ABCA3: variants seen among roughly 807,000 people sequenced by gnomAD.
ABCA3 encodes the protein phospholipid-transporting ATPase ABCA3.
ABCA3 carries 88 observed loss-of-function variants against 172.8 expected under a neutral mutation model. That is an observed-to-expected ratio of 0.51 (90% CI 0.43 to 0.61). The LOEUF (loss-of-function observed/expected upper bound fraction) is 0.61. Ranked by LOEUF, ABCA3 falls within the 20% of genes least tolerant of loss-of-function variation. The pLI is 0.00. For missense variants in ABCA3, 2,164 were observed against 2,301.0 expected, an observed-to-expected ratio of 0.94 and a Z score of 1.22; for synonymous variants, 1,066 against 983.8, an observed-to-expected ratio of 1.08 and a Z score of -1.56.
At chr16:2,335,143 T>A (rs1220930535) in intron 1 of ABCA3, among the ~76,000 whole-genome samples, 2 of 151,930 alleles carry the variant, frequency 1.3e-5, no homozygotes, top group Non-Finnish European at 2.9e-5. Flanking sequence ...ATATTATTAA[T>A]ATATAAAAAA....
At chr16:2,322,897 T>C (rs1369370609) in intron 7 of ABCA3, among the ~76,000 whole-genome samples, 5 of 152,082 alleles carry the variant, frequency 3.3e-5, no homozygotes, top group Non-Finnish European at 7.3e-5. Context: ...ATTTTTGCAA[T>C]CTACTCATCT....
Position 2,281,629 on chromosome 16 carries a change from C to T in ABCA3, c.4036-120G>A, listed in dbSNP as rs2093655420. 5 of 1,287,738 alleles carry T rather than the reference C, an allele frequency of 3.9e-6. No individual in the cohort carries two copies. The highest frequency in any genetic ancestry group is 1.9e-5 in the Admixed American group (1 of 53,652). 79.8% of individuals were successfully genotyped at this position (1,287,738 alleles called of 1,614,324 possible). A position where few individuals can be genotyped will look rare whatever the true frequency, so the allele number is the denominator to read the frequency against. On this transcript the variant is annotated intron_variant, in intron 26 of 32. Coordinates refer to ENST00000301732, the MANE Select transcript of ABCA3 (RefSeq NM_001089.3). This position sits in a 1 kb window ranked among gnomAD's most constrained non-coding sequence, Gnocchi z 4.7. ...TGGGACTAAGGCCTTCAAGGCTTCT[C>T]GTCCCAATCTCAGGCCCCACAGGTG...
intron 3 of ABCA3, among the ~76,000 whole-genome samples, chr16:2,326,881 G>C (rs549518502): frequency 6.6e-6 from 1 of 152,072 alleles, no homozygotes; most frequent in Non-Finnish European, 1.5e-5. Context: ...CCAGCTACTC[G>C]AGAGGCTGAG....
At chr16:2,314,423 A>T (rs953744605) in intron 10 of ABCA3, among the ~76,000 whole-genome samples, 6 of 138,234 alleles carry the variant, frequency 4.3e-5, no homozygotes, top group African/African-American at 1.7e-4. Context: ...TCAAACTCAT[A>T]GGGACAGGAA....
intron 1 of ABCA3, chr16:2,332,708 T>C (rs2093745372): frequency 6.7e-7 from 1 of 1,498,560 alleles, no homozygotes; most frequent in South Asian, 1.1e-5. Flanking sequence ...GCTGTCTTCT[T>C]GTGTCCAAAG....
Position 2,278,079 on chromosome 16 carries a change from G to C in ABCA3, c.4719-10C>G. ...CTCACACTCCTCCATGCTGTGGAGAGGGCGGGACCTCAGATAGGGCTTGGG... is the reference window on the plus strand; with the variant it reads ...CTCACACTCCTCCATGCTGTGGAGACGGCGGGACCTCAGATAGGGCTTGGG... On this transcript the variant is annotated splice_polypyrimidine_tract_variant and intron_variant, in intron 30 of 32. Coordinates refer to ENST00000301732, the MANE Select transcript of ABCA3 (RefSeq NM_001089.3). The surrounding 1 kb of genome is among the most constrained non-coding windows in gnomAD (Gnocchi z 4.4). The C allele has an allele frequency of 6.2e-7, 1 of 1,613,376 alleles. No individual in the cohort carries two copies. The highest frequency in any genetic ancestry group is 8.5e-7 in the Non-Finnish European group (1 of 1,180,024).
intron 10 of ABCA3, 82 bp downstream of exon 10, chr16:2,317,201 C>T (rs766754923): frequency 4.1e-5 from 65 of 1,594,328 alleles, no homozygotes; most frequent in Non-Finnish European, 5.1e-5. Flanking sequence ...CTCTCCCTTC[C>T]GATCACAGCC....
At chr16:2,291,521 G>A (rs971123457) in intron 19 of ABCA3, among the ~76,000 whole-genome samples, 2 of 152,150 alleles carry the variant, frequency 1.3e-5, no homozygotes, top group Admixed American at 1.3e-4. Context: ...TCCCAAGGAC[G>A]ATCTAAGCCC....
chr16:2,289,379 G>A lies in ABCA3; in HGVS notation c.2700+55C>T, dbSNP rs572920695. 2.1e-5 allele frequency: 33 copies of A among 1,538,968 alleles called. No homozygotes were observed. In the East Asian group the frequency reaches 6.0e-4, roughly 28 times the overall value. On this transcript the variant is annotated intron_variant, in intron 20 of 32. Transcript: ENST00000301732. Reference sequence around the variant, plus strand: ...TCCTCTGCATGGGCTTACATGAGGCGTTTGGGGGCTGCTCGCCCTTCCCCC... The same window carrying A: ...TCCTCTGCATGGGCTTACATGAGGCATTTGGGGGCTGCTCGCCCTTCCCCC...
rs1395394799 is a variant in ABCA3 at position 2,278,286 on chromosome 16, A to G, written c.4718+2T>C. On this transcript the variant is annotated splice_donor_variant, in intron 30 of 32. Coordinates refer to ENST00000301732, the MANE Select transcript of ABCA3 (RefSeq NM_001089.3). LOFTEE classifies it high-confidence loss of function. This position sits in a 1 kb window ranked among gnomAD's most constrained non-coding sequence, Gnocchi z 4.4. ...CCAGTAACCCACAGACCCAGGCTCT[A>G]CCTGTGGGAGGTGATGATGATGGCC... 1 of 1,607,240 alleles carries G rather than the reference A, an allele frequency of 6.2e-7. No homozygotes were observed. The highest frequency in any genetic ancestry group is 1.3e-5 in the African/African-American group (1 of 74,890).
rs770972352 is a variant in ABCA3, at chr16:2,289,496, GGTCCATGGCCCCACAGAGGTTGCT to G, written c.2614_2637del (p.Ser872_Asp879del). 3.1e-6 allele frequency: 5 copies of G among 1,592,502 alleles called. No individual in the cohort carries two copies. Among genetic ancestry groups the G allele is most frequent in the East Asian group, 4.5e-5 (2 of 44,232 alleles). ...ATGAGGGCTCCAATGCCGTCGGAGGGGTCCATGGCCCCACAGAGGTTGCTGTCCACAGCCCAGTCGCTGGCGCGC... is the reference window on the plus strand; with the variant it reads ...ATGAGGGCTCCAATGCCGTCGGAGGGGTCCACAGCCCAGTCGCTGGCGCGC... On this transcript the variant is annotated inframe_deletion, in exon 20 of 33. Transcript: ENST00000301732.
At chr16:2,329,065 T>C (rs1471967433) in intron 2 of ABCA3, among the ~76,000 whole-genome samples, 1 of 151,866 alleles carries the variant, frequency 6.6e-6, no homozygotes, top group Non-Finnish European at 1.5e-5. Flanking sequence ...TAAAGGGTAG[T>C]CAATAAATAT....
intron 28 of ABCA3, among the ~76,000 whole-genome samples, chr16:2,280,625 T>C (rs892080315): frequency 2.0e-5 from 3 of 152,126 alleles, no homozygotes; most frequent in Non-Finnish European, 4.4e-5. Context: ...GGGCTGCCTC[T>C]GGTCCTTCTG....
chr16:2,308,206 C>T (rs1048119873), intron 11 of ABCA3, among the ~76,000 whole-genome samples: 9 of 152,252 alleles, frequency 5.9e-5, no homozygotes, highest in South Asian at 2.1e-4. Context: ...TGGGCTTCTT[C>T]GGCCCACTGC....
chr16:2,281,324 G>C lies in ABCA3; in HGVS notation c.4164+57C>G, dbSNP rs1266843414. ...GCTTCCAGGGATGGGGTCGGACCCT[G>C]GGGACAGCCAGGTAGTCAGCTGGCA... On this transcript the variant is annotated intron_variant, in intron 27 of 32. Transcript: ENST00000301732. The surrounding 1 kb of genome is among the most constrained non-coding windows in gnomAD (Gnocchi z 4.7). The C allele has an allele frequency of 4.3e-6, 7 of 1,613,050 alleles. No homozygotes were observed. Among genetic ancestry groups the C allele is most frequent in the African/African-American group, 2.7e-5 (2 of 74,934 alleles).
intron 2 of ABCA3, among the ~76,000 whole-genome samples, chr16:2,328,996 C>G (rs1440879284): frequency 7.4e-6 from 1 of 134,288 alleles, no homozygotes; most frequent in Non-Finnish European, 1.6e-5. Context: ...AAAACTCTTG[C>G]TTTTTTTTTT....
intron 12 of ABCA3, among the ~76,000 whole-genome samples, chr16:2,301,462 T>C (rs2093689339): frequency 6.6e-6 from 1 of 151,978 alleles, no homozygotes; most frequent in African/African-American, 2.4e-5. Context: ...ATCCCAGCAC[T>C]TTGGGAGGCC....
intron 3 of ABCA3, 80 bp from the exon 4 acceptor site, chr16:2,326,572 C>G: frequency 7.1e-7 from 1 of 1,408,202 alleles, no homozygotes; most frequent in Non-Finnish European, 9.8e-7. Context: ...AGCCATGGAC[C>G]CTTTTTCCTC....
chr16:2,332,727 C>A, intron 1 of ABCA3: 1 of 1,207,628 alleles, frequency 8.3e-7, no homozygotes, highest in Non-Finnish European at 1.2e-6. Flanking sequence ...AGACCCGCAC[C>A]GATTGCCTCC....
Sources: gnomAD v4.1 joint callset for allele counts (sites outside exome capture counted in the v4.1 genomes callset) on GRCh38, gnomAD v4.1.1 for gene constraint, Gnocchi (gnomAD v3.1) non-coding constraint, MANE v1.5 for transcripts, NCBI Gene and HGNC (gene_info 2026-07-23, HGNC 2026-07-21) for gene names.